XXYLT1: variants seen among roughly 807,000 people sequenced by gnomAD.
The protein encoded by XXYLT1 is xyloside xylosyltransferase 1, also known as UDP-xylose:alpha-xyloside alpha-1,3-xylosyltransferase.
In XXYLT1, 20 loss-of-function variants were observed where a neutral mutation model predicts 28.9. The ratio of observed to expected loss-of-function variants is 0.69; its 90% CI spans 0.49 to 1.00. The LOEUF is 1.00. Ranked by LOEUF, XXYLT1 falls within the 50% of genes least tolerant of loss-of-function variation. The pLI, the probability that XXYLT1 is intolerant of heterozygous loss-of-function variation, is 0.00. For missense variants in XXYLT1, 542 were observed against 560.1 expected (o/e 0.97, Z 0.33); for synonymous variants, 257 against 253.8 (o/e 1.01, Z -0.12).
intron 1 of XXYLT1, among the ~76,000 whole-genome samples, chr3:195,228,540 G>A (rs1458624994): frequency 1.4e-5 from 2 of 143,252 alleles, no homozygotes; most frequent in African/African-American, 2.6e-5. Context: ...AACCGAGGCT[G>A]GAGTACAGGG....
intron 3 of XXYLT1, among the ~76,000 whole-genome samples, chr3:195,084,957 A>C: frequency 6.6e-6 from 1 of 152,222 alleles, no homozygotes; most frequent in East Asian, 1.9e-4. Context: ...AGCTGAGGGT[A>C]GGAAAGGGAG....
chr3:195,252,723 C>CAGAGAGAG (rs1465288212), intron 1 of XXYLT1, among the ~76,000 whole-genome samples: 28 of 129,308 alleles, frequency 2.2e-4, no homozygotes, highest in African/African-American at 8.5e-4. Flanking sequence ...CACACACACA[C>CAGAGAGAG]ACACAGAGAG....
intron 2 of XXYLT1, among the ~76,000 whole-genome samples, chr3:195,159,631 G>C (rs745500118): frequency 9.2e-5 from 14 of 152,168 alleles, no homozygotes; most frequent in Non-Finnish European, 1.9e-4. Context: ...ACACCTCCAA[G>C]ACCCTGTCAC....
At chr3:195,080,883 C>T (rs983884462) in intron 3 of XXYLT1, among the ~76,000 whole-genome samples, 1 of 152,210 alleles carries the variant, frequency 6.6e-6, no homozygotes, top group Non-Finnish European at 1.5e-5. Context: ...CACGAAGGTG[C>T]TGGGCAGTAT....
intron 1 of XXYLT1, among the ~76,000 whole-genome samples, chr3:195,231,268 T>A (rs1005827327): frequency 5.9e-5 from 9 of 152,030 alleles, no homozygotes; most frequent in Admixed American, 1.3e-4. Context: ...ATCAATACAT[T>A]TTTTGTTTTG....
chr3:195,229,136 T>C (rs1724194097), intron 1 of XXYLT1, among the ~76,000 whole-genome samples: 1 of 152,298 alleles, frequency 6.6e-6, no homozygotes, highest in South Asian at 2.1e-4. Context: ...AGCTTATTTC[T>C]CTTATATTTC....
chr3:195,225,664 GT>G (rs1328779353), intron 2 of XXYLT1, among the ~76,000 whole-genome samples: 2 of 152,086 alleles, frequency 1.3e-5, no homozygotes. Context: ...GGTTGATATG[GT>G]TTGGCTGTGT....
intron 2 of XXYLT1, among the ~76,000 whole-genome samples, chr3:195,172,371 C>T (rs1286187480): frequency 1.3e-5 from 2 of 152,196 alleles, no homozygotes; most frequent in Admixed American, 6.5e-5. Context: ...CACTGCTGAA[C>T]GTGAGCACGG....
At chr3:195,122,874 C>G (rs150926953) in intron 3 of XXYLT1, among the ~76,000 whole-genome samples, 1 of 152,300 alleles carries the variant, frequency 6.6e-6, no homozygotes, top group Admixed American at 6.5e-5. Context: ...AAGAAGGACA[C>G]TGAGCCCTCT....
intron 3 of XXYLT1, among the ~76,000 whole-genome samples, chr3:195,140,630 GGAGA>G (rs1176619126): frequency 1.3e-5 from 2 of 151,178 alleles, no homozygotes; most frequent in African/African-American, 4.9e-5. Flanking sequence ...CATGGCAGCA[GGAGA>G]GAGAGTGAGA....
intron 3 of XXYLT1, chr3:195,152,450 A>G (rs1720325884): frequency 6.6e-6 from 1 of 152,432 alleles, no homozygotes; most frequent in African/African-American, 2.4e-5. Flanking sequence ...CTCAACAGGG[A>G]CCCGAGAGAG....
rs7651951 is a variant in XXYLT1 at position 195,153,102 on chromosome 3, G to A, written c.785+3347C>T. Among the ~76,000 whole-genome samples the A allele has an allele frequency of 2.3e-4, 35 of 152,218 alleles. No individual in the cohort carries two copies. The South Asian group carries it at 4.8e-3, about 21-fold the overall frequency. Reference sequence around the variant, plus strand: ...GAGACCGCCTGCTCAAGAGAAAGGCGGGCTGCGCTGTCCCTGCTTCCTCTC... The same window carrying A: ...GAGACCGCCTGCTCAAGAGAAAGGCAGGCTGCGCTGTCCCTGCTTCCTCTC... On this transcript the variant is annotated intron_variant, in intron 3 of 3. Transcript: ENST00000310380.
intron 1 of XXYLT1, among the ~76,000 whole-genome samples, chr3:195,253,862 G>A (rs1271153157): frequency 6.6e-6 from 1 of 152,238 alleles, no homozygotes; most frequent in Non-Finnish European, 1.5e-5. Flanking sequence ...GAAGAGACCA[G>A]TAAGCAGGGC....
intron 2 of XXYLT1, among the ~76,000 whole-genome samples, chr3:195,169,511 G>A (rs962795219): frequency 6.6e-6 from 1 of 152,216 alleles, no homozygotes; most frequent in African/African-American, 2.4e-5. Context: ...TCATGCCACA[G>A]TGGGACACAG....
At chr3:195,237,542 CGA>C (rs2108817965) in intron 1 of XXYLT1, among the ~76,000 whole-genome samples, 2 of 151,812 alleles carry the variant, frequency 1.3e-5, no homozygotes, top group East Asian at 3.9e-4. Flanking sequence ...TTAGTGCCCA[CGA>C]AGGTGCTTTT....
chr3:195,216,488 C>T (rs1191902298), intron 2 of XXYLT1, among the ~76,000 whole-genome samples: 97 of 145,996 alleles, frequency 6.6e-4, no homozygotes, highest in Middle Eastern at 3.5e-3. Flanking sequence ...ATATCACCAC[C>T]GATCCCACAG....
At chr3:195,175,117 C>G (rs2108725198) in intron 2 of XXYLT1, among the ~76,000 whole-genome samples, 1 of 152,322 alleles carries the variant, frequency 6.6e-6, no homozygotes, top group South Asian at 2.1e-4. Context: ...GATGAAAAAG[C>G]TCTACCCCAG....
At chr3:195,102,132 C>A (rs1259272882) in intron 3 of XXYLT1, among the ~76,000 whole-genome samples, 2 of 151,982 alleles carry the variant, frequency 1.3e-5, no homozygotes, top group Non-Finnish European at 2.9e-5. Flanking sequence ...ATATCTGAGT[C>A]TATGTTTTCC....
chr3:195,088,823 G>C (rs1466085796), intron 3 of XXYLT1, among the ~76,000 whole-genome samples: 1 of 145,138 alleles, frequency 6.9e-6, no homozygotes, highest in Non-Finnish European at 1.5e-5. Flanking sequence ...ATACAGAGAA[G>C]TGCTTAAAGG....
Sources: allele counts gnomAD v4.1 joint callset (sites outside exome capture counted in the v4.1 genomes callset), GRCh38; gene constraint gnomAD v4.1.1; transcripts MANE v1.5; gene names NCBI Gene and HGNC (gene_info 2026-07-23, HGNC 2026-07-21).